The following STK32B variants were observed in gnomAD, a reference collection of about 807,000 sequenced individuals.
STK32B encodes the protein serine/threonine-protein kinase 32B.
STK32B carries 43 observed loss-of-function variants against 52.6 expected under a neutral mutation model. The observed-to-expected ratio is 0.82, with a 90% CI of 0.64 to 1.05. STK32B has a LOEUF of 1.05. Among genes scored for constraint, STK32B ranks in the 50% least tolerant of loss-of-function variants. The pLI, the probability that STK32B is intolerant of heterozygous loss-of-function variation, is 0.00. For synonymous variants in STK32B, 238 were observed against 204.3 expected, an observed-to-expected ratio of 1.17 and a Z score of -1.41; for missense variants, 621 against 534.6, an observed-to-expected ratio of 1.16 and a Z score of -1.59.
chr4:5,255,204 G>A (rs1332560394), intron 3 of STK32B, among the ~76,000 whole-genome samples: 1 of 152,176 alleles, frequency 6.6e-6, no homozygotes, highest in African/African-American at 2.4e-5. Context: ...AGAGCATATA[G>A]CAAAGGAATC....
intron 1 of STK32B, among the ~76,000 whole-genome samples, chr4:5,052,376 T>A (rs1003621415): frequency 6.6e-6 from 1 of 152,164 alleles, no homozygotes; most frequent in African/African-American, 2.4e-5. Context: ...TGCAAGGGCC[T>A]GTTGGATGCA....
intron 4 of STK32B, among the ~76,000 whole-genome samples, chr4:5,393,962 T>A (rs1296977148): frequency 1.3e-5 from 2 of 152,122 alleles, no homozygotes; most frequent in African/African-American, 2.4e-5. Flanking sequence ...AGCCGCAGAT[T>A]TTTACTTCGC....
At position 5,450,142 on chromosome 4, in the gene STK32B, A is replaced by T. The variant is rs115064500; in HGVS notation, c.666+3366A>T. On this transcript the variant is annotated intron_variant, in intron 7 of 11. Coordinates refer to ENST00000282908, the MANE Select transcript of STK32B (RefSeq NM_018401.3). ...TGTAGGCTAGACAAGAGACCTAAGTAGGATCCAACTTCTCTCTGACCCAAA... is the reference window on the plus strand; with the variant it reads ...TGTAGGCTAGACAAGAGACCTAAGTTGGATCCAACTTCTCTCTGACCCAAA... Among the ~76,000 whole-genome samples, 714 of 152,274 alleles carry T rather than the reference A, an allele frequency of 4.7e-3. 7 individuals are homozygous for T. The highest frequency in any genetic ancestry group is 0.017 in the African/African-American group (695 of 41,564).
At chr4:5,172,359 G>A (rs1478298231) in intron 3 of STK32B, among the ~76,000 whole-genome samples, 1 of 152,132 alleles carries the variant, frequency 6.6e-6, no homozygotes, top group East Asian at 1.9e-4. Flanking sequence ...AATAGGAGTG[G>A]TGAGAGAGGG....
the STK32B span, among the ~76,000 whole-genome samples, chr4:5,040,852 C>T: frequency 1.3e-5 from 2 of 152,148 alleles, no homozygotes; most frequent in African/African-American, 2.4e-5. Context: ...GTGGTGTAGC[C>T]AATAGCTCCT....
upstream of STK32B, among the ~76,000 whole-genome samples, chr4:5,050,333 T>C (rs967150327): frequency 6.6e-6 from 1 of 152,112 alleles, no homozygotes; most frequent in Non-Finnish European, 1.5e-5. Flanking sequence ...TGCCAGTAAA[T>C]GGTAGAGCCA....
At chr4:5,489,316 C>T (rs1719493633) in intron 11 of STK32B, among the ~76,000 whole-genome samples, 1 of 152,102 alleles carries the variant, frequency 6.6e-6, no homozygotes. Context: ...ATTTTTTAGC[C>T]TGTAAATATC....
At chr4:5,084,992 A>G (rs1560143313) in intron 1 of STK32B, among the ~76,000 whole-genome samples, 1 of 152,228 alleles carries the variant, frequency 6.6e-6, no homozygotes, top group Non-Finnish European at 1.5e-5. Context: ...AGCACAAATC[A>G]GTTCCCCAGT....
chr4:5,163,580 G>A (rs1052459680), intron 2 of STK32B, among the ~76,000 whole-genome samples: 4 of 125,372 alleles, frequency 3.2e-5, no homozygotes, highest in Admixed American at 8.0e-5. Context: ...GTGTGTGTGT[G>A]TAAGAGAGAG....
At chr4:5,401,254 G>T (rs551758377) in intron 5 of STK32B, among the ~76,000 whole-genome samples, 3 of 152,308 alleles carry the variant, frequency 2.0e-5, no homozygotes, top group African/African-American at 7.2e-5. Flanking sequence ...CCCCATTCGT[G>T]CTGGCATCTA....
intron 11 of STK32B, among the ~76,000 whole-genome samples, chr4:5,479,346 C>T (rs960335347): frequency 5.3e-5 from 8 of 151,948 alleles, no homozygotes; most frequent in South Asian, 4.2e-4. Context: ...CTCAAATTCC[C>T]GACCTCAGGT....
At chr4:5,490,460 C>G (rs1289644637) in intron 11 of STK32B, among the ~76,000 whole-genome samples, 1 of 152,078 alleles carries the variant, frequency 6.6e-6, no homozygotes, top group Admixed American at 6.6e-5. Flanking sequence ...GGCAGTTTGA[C>G]TAGGTTGCCA....
intron 6 of STK32B, among the ~76,000 whole-genome samples, chr4:5,428,247 A>T (rs1228268066): frequency 6.6e-6 from 1 of 152,024 alleles, no homozygotes; most frequent in East Asian, 1.9e-4. Context: ...CTCTACTAAA[A>T]AATATAAAAA....
intron 1 of STK32B, among the ~76,000 whole-genome samples, chr4:5,097,041 T>G (rs569036289): frequency 6.6e-6 from 1 of 152,312 alleles, no homozygotes; most frequent in East Asian, 1.9e-4. Flanking sequence ...GAGGCAGAGG[T>G]AGGATTTGCA....
intron 3 of STK32B, among the ~76,000 whole-genome samples, chr4:5,304,191 A>G (rs1264714219): frequency 6.6e-6 from 1 of 151,784 alleles, no homozygotes; most frequent in East Asian, 1.9e-4. Flanking sequence ...GAATTTTAGG[A>G]TTGTTTTCTC....
intron 4 of STK32B, 149 bp downstream of exon 4, chr4:5,331,542 CT>C (rs1732252488): frequency 1.2e-6 from 1 of 825,128 alleles, no homozygotes; most frequent in Non-Finnish European, 1.8e-6. Context: ...ACTTTTCTTC[CT>C]ATTTTTTTAT....
At chr4:5,081,643 C>T (rs531796205) in intron 1 of STK32B, among the ~76,000 whole-genome samples, 38 of 152,096 alleles carry the variant, frequency 2.5e-4, no homozygotes, top group Non-Finnish European at 4.3e-4. Flanking sequence ...ATTCTTTATT[C>T]TTCTTGATCA....
At chr4:5,402,470 A>G (rs1737359467) in intron 5 of STK32B, among the ~76,000 whole-genome samples, 1 of 152,250 alleles carries the variant, frequency 6.6e-6, no homozygotes, top group Non-Finnish European at 1.5e-5. Context: ...TATGATGACC[A>G]TAAAGAATGT....
In STK32B at chr4:5,108,165, A is replaced by T. The variant is rs191520933; in HGVS notation, c.53-31740A>T. On this transcript the variant is annotated intron_variant, in intron 1 of 11. Transcript: ENST00000282908. ...TGCTGTGTCTTCTTTTGCATCTTAT[A>T]TGTTTCCGAGGATGTGACCTGTACT... 1.9e-3 allele frequency among the ~76,000 whole-genome samples: 291 copies of T among 152,298 alleles called. 2 individuals are homozygous for T. The highest frequency in any genetic ancestry group is 4.0e-3 in the Admixed American group (61 of 15,290).
Sources: gnomAD v4.1 joint callset for allele counts (sites outside exome capture counted in the v4.1 genomes callset) on GRCh38, gnomAD v4.1.1 for gene constraint, MANE v1.5 for transcripts, NCBI Gene and HGNC (gene_info 2026-07-23, HGNC 2026-07-21) for gene names.